Variants in BTN1A1 observed in about 807,000 individuals in gnomAD.
BTN1A1 encodes butyrophilin subfamily 1 member A1, also known as bK14H9.2 (butyrophilin, subfamily 1, member A1).
In BTN1A1, 26 loss-of-function variants were observed where a neutral mutation model predicts 33.1. The ratio of observed to expected loss-of-function variants is 0.79; its 90% CI spans 0.58 to 1.09. The LOEUF is 1.09. Among genes scored for constraint, BTN1A1 ranks in the 50% least tolerant of loss-of-function variants. BTN1A1 has a pLI of 0.00. For missense variants in BTN1A1, 558 were observed against 655.7 expected, an observed-to-expected ratio of 0.85 and a Z score of 1.63; for synonymous variants, 235 against 256.2, an observed-to-expected ratio of 0.92 and a Z score of 0.79.
intron 4 of BTN1A1, among the ~76,000 whole-genome samples, chr6:26,506,086 T>C (rs151220045): frequency 2.1e-5 from 3 of 143,218 alleles, no homozygotes; most frequent in African/African-American, 7.9e-5. Flanking sequence ...GCCACTGAAC[T>C]CCACTCCAGC....
chr6:26,508,282 C>A (rs1242324974), intron 7 of BTN1A1, among the ~76,000 whole-genome samples, 195 bp downstream of exon 7: 1 of 152,152 alleles, frequency 6.6e-6, no homozygotes, highest in Non-Finnish European at 1.5e-5. Context: ...GACAGAGTCC[C>A]ATTAGGCCCT....
chr6:26,500,351 T>C lies in BTN1A1; in HGVS notation c.-65T>C, dbSNP rs1763782805. The stretch of plus-strand genomic sequence containing the variant: ...GCCTCTTGTGCCTTTTTCTCCAAGA[T>C]CACCCAGGTCAGTATGTGTGGTTAC... On this transcript the variant is annotated 5_prime_UTR_variant, in exon 1 of 8. Coordinates refer to ENST00000684113, the MANE Select transcript of BTN1A1 (RefSeq NM_001732.3). 6.6e-6 allele frequency among the ~76,000 whole-genome samples: 1 copy of C among 152,170 alleles called. No homozygotes were observed. The highest frequency in any genetic ancestry group is 1.5e-5 in the Non-Finnish European group (1 of 68,028).
chr6:26,509,427 A>G lies in BTN1A1; in HGVS notation c.*253A>G. 2.3e-6 allele frequency: 1 copy of G among 429,118 alleles called. No individual in the cohort carries two copies. The allele number at this position is 429,118 out of a possible 1,614,324, so 26.6% of individuals were successfully genotyped here. On this transcript the variant is annotated 3_prime_UTR_variant, in exon 8 of 8. Transcript: ENST00000684113. ...TGTTCTCCTAATCCCTTAAGACTAGAACCTATAGGAAACTACTTGGAGCAA... is the reference window on the plus strand; with the variant it reads ...TGTTCTCCTAATCCCTTAAGACTAGGACCTATAGGAAACTACTTGGAGCAA...
At chr6:26,506,965 A>G in intron 5 of BTN1A1, 133 bp downstream of exon 5, 1 of 1,150,022 alleles carries the variant, frequency 8.7e-7, no homozygotes, top group Admixed American at 2.2e-5. Flanking sequence ...TCACGCCTGT[A>G]ATCCCAGCGG....
At chr6:26,504,808 C>A (rs9467774) in intron 3 of BTN1A1, 117 bp from the exon 4 acceptor site, 497,481 of 1,018,428 alleles carry the variant, frequency 0.49, 124,125 homozygotes, top group East Asian at 0.73. Context: ...AGTTCTTCCC[C>A]CTACTAGTCC....
rs146090001 is a variant in BTN1A1, at chr6:26,510,186, C to T, written c.*1012C>T. On this transcript the variant is annotated 3_prime_UTR_variant, in exon 8 of 8. Transcript: ENST00000684113. Reference sequence around the variant, plus strand: ...CACTGTGCACCTTTCACTTTCCCTACCCAGCTTTCCTACATGCTGCCTCTC... The same window carrying T: ...CACTGTGCACCTTTCACTTTCCCTATCCAGCTTTCCTACATGCTGCCTCTC... 6.5e-6 allele frequency: 1 copy of T among 152,962 alleles called. No homozygotes were observed. The highest frequency in any genetic ancestry group is 2.4e-5 in the African/African-American group (1 of 41,606). 9.5% of individuals were successfully genotyped at this position (152,962 alleles called of 1,614,324 possible).
At position 26,505,056 on chromosome 6, in the gene BTN1A1, T is replaced by C. The variant is rs770341982; in HGVS notation, c.559T>C (p.Ser187Pro). Residue 187 changes from serine to proline, a missense_variant, in exon 4 of 8, where the codon TCT becomes CCT. Ser to Pro is a moderately conservative substitution (Grantham distance 74). Coordinates refer to ENST00000684113, the MANE Select transcript of BTN1A1 (RefSeq NM_001732.3). ...AACTTCCAAGGGAGAGAAGTTTCCA[T>C]CTACATCAGAGTCCAGGAATCCTGA... is the stretch of plus-strand genomic sequence containing the variant. ...WRTSKGEKFP[S>P]TSESRNPDEE... 3 of 1,614,210 alleles carry C rather than the reference T, an allele frequency of 1.9e-6. No individual in the cohort carries two copies. Among genetic ancestry groups the C allele is most frequent in the Non-Finnish European group, 2.5e-6 (3 of 1,180,028 alleles).
At chr6:26,504,093 A>G (rs1251519797) in intron 3 of BTN1A1, among the ~76,000 whole-genome samples, 2 of 152,220 alleles carry the variant, frequency 1.3e-5, no homozygotes, top group Admixed American at 6.5e-5. Context: ...ATGTTTATAT[A>G]TAACAGGCCA....
chr6:26,501,588 A>C lies in BTN1A1; in HGVS notation c.80-2A>C. The C allele has an allele frequency of 6.2e-7, 1 of 1,612,172 alleles. No homozygotes were observed. The highest frequency in any genetic ancestry group is 1.1e-5 in the South Asian group (1 of 91,042). ...CGTCTGATCCCGCTCGTTTTTCGGC[A>C]GCTCCCTTTGACGTGATTGGACCCC... On this transcript the variant is annotated splice_acceptor_variant, in intron 2 of 7. Coordinates refer to ENST00000684113, the MANE Select transcript of BTN1A1 (RefSeq NM_001732.3). LOFTEE classifies it high-confidence loss of function. This position sits in a 1 kb window ranked among gnomAD's most constrained non-coding sequence, Gnocchi z 5.2.
chr6:26,507,189 C>G (rs1166616915), intron 5 of BTN1A1, among the ~76,000 whole-genome samples: 1 of 152,068 alleles, frequency 6.6e-6, no homozygotes, highest in Non-Finnish European at 1.5e-5. Flanking sequence ...CCATTGCACT[C>G]TAGCCTGAGC....
intron 5 of BTN1A1, 108 bp downstream of exon 5, chr6:26,506,940 G>T: frequency 7.2e-7 from 1 of 1,382,258 alleles, no homozygotes; most frequent in Non-Finnish European, 1.0e-6. Flanking sequence ...GATATTTGAG[G>T]CTGGGCATGG....
At position 26,501,056 on chromosome 6, in the gene BTN1A1, G is replaced by A. The variant is rs1331930072; in HGVS notation, c.-57-174G>A. Among the ~76,000 whole-genome samples, 3 of 152,188 alleles carry A rather than the reference G, an allele frequency of 2.0e-5. No homozygotes were observed. Among genetic ancestry groups the A allele is most frequent in the African/African-American group, 7.2e-5 (3 of 41,428 alleles). On this transcript the variant is annotated intron_variant, in intron 1 of 7. Transcript: ENST00000684113. This position sits in a 1 kb window ranked among gnomAD's most constrained non-coding sequence, Gnocchi z 5.2. ...AAGTTTTAGAGTTAGAGTAGTGGGTGGGAAGGTGATAACCACAGTGTAAAC... is the reference window on the plus strand; with the variant it reads ...AAGTTTTAGAGTTAGAGTAGTGGGTAGGAAGGTGATAACCACAGTGTAAAC...
intron 5 of BTN1A1, 80 bp downstream of exon 5, chr6:26,506,912 AT>A: frequency 6.6e-7 from 1 of 1,506,012 alleles, no homozygotes; most frequent in Non-Finnish European, 9.1e-7. Flanking sequence ...AGAATGACTT[AT>A]TTTAGGATGA....
At chr6:26,503,767 A>T (rs569139329) in intron 3 of BTN1A1, among the ~76,000 whole-genome samples, 2 of 152,022 alleles carry the variant, frequency 1.3e-5, no homozygotes, top group Middle Eastern at 3.4e-3. Context: ...TTGCAGCATC[A>T]TGTATAATTC....
chr6:26,509,499 G>A lies in BTN1A1; in HGVS notation c.*325G>A. 4.4e-6 allele frequency: 1 copy of A among 227,906 alleles called. No homozygotes were observed. Among genetic ancestry groups the A allele is most frequent in the Non-Finnish European group, 8.5e-6 (1 of 117,266 alleles). The allele number at this position is 227,906 out of a possible 1,614,324, so 14.1% of individuals were successfully genotyped here. A position where few individuals can be genotyped will look rare whatever the true frequency, so the allele number is the denominator to read the frequency against. ...TCGAGATTGGGTCAGGTTAGCATGG[G>A]GTTGTGGTTGAAATATCTTGGTATC... On this transcript the variant is annotated 3_prime_UTR_variant, in exon 8 of 8. Coordinates refer to ENST00000684113, the MANE Select transcript of BTN1A1 (RefSeq NM_001732.3).
rs1326472546 is a variant in BTN1A1 at position 26,508,489 on chromosome 6, C to A, written c.908-12C>A. On this transcript the variant is annotated splice_polypyrimidine_tract_variant and intron_variant, in intron 7 of 7. Coordinates refer to ENST00000684113, the MANE Select transcript of BTN1A1 (RefSeq NM_001732.3). ...TTCACTGATGTCAGACCTGCTGTTT[C>A]TTTCTCTCCAGTTGATGTGACTCTG... is the stretch of plus-strand genomic sequence containing the variant. The A allele has an allele frequency of 1.2e-5, 20 of 1,603,354 alleles. No individual in the cohort carries two copies. Among genetic ancestry groups the A allele is most frequent in the Non-Finnish European group, 1.7e-5 (20 of 1,174,414 alleles).
intron 3 of BTN1A1, among the ~76,000 whole-genome samples, chr6:26,502,929 A>T (rs960583991): frequency 6.6e-6 from 1 of 152,242 alleles, no homozygotes; most frequent in Non-Finnish European, 1.5e-5. Flanking sequence ...GAAAGTACGC[A>T]TTGAGGTCTG....
At position 26,501,404 on chromosome 6, in the gene BTN1A1, A is replaced by G; in HGVS notation, c.79+39A>G. ...TCTCTCTGGGCTGCATAGTTGAAAT[A>G]TATCAATAAATGTAAAATAAACAAT... is the stretch of plus-strand genomic sequence containing the variant. On this transcript the variant is annotated intron_variant, in intron 2 of 7. Coordinates refer to ENST00000684113, the MANE Select transcript of BTN1A1 (RefSeq NM_001732.3). This position sits in a 1 kb window ranked among gnomAD's most constrained non-coding sequence, Gnocchi z 5.2. 1 of 1,592,076 alleles carries G rather than the reference A, an allele frequency of 6.3e-7. No individual in the cohort carries two copies. The highest frequency in any genetic ancestry group is 1.1e-5 in the South Asian group (1 of 90,600).
chr6:26,508,792 G>T lies in BTN1A1; in HGVS notation c.1199G>T (p.Gly400Val). 6.2e-7 allele frequency: 1 copy of T among 1,614,148 alleles called. No homozygotes were observed. The highest frequency in any genetic ancestry group is 8.5e-7 in the Non-Finnish European group (1 of 1,180,014). Reference protein sequence around the residue: ...ENGFWAVELYGNGYWALTPLR... With the variant: ...ENGFWAVELYVNGYWALTPLR... ...GGGTTCTGGGCTGTAGAGTTGTATG[G>T]AAATGGGTACTGGGCCCTCACTCCT... is the stretch of plus-strand genomic sequence containing the variant. Residue 400 changes from glycine (G) to valine (V), a missense_variant, in exon 8 of 8, where the codon GGA becomes GTA. Coordinates refer to ENST00000684113, the MANE Select transcript of BTN1A1 (RefSeq NM_001732.3).
Sources: gnomAD v4.1 joint callset for allele counts (sites outside exome capture counted in the v4.1 genomes callset) on GRCh38, gnomAD v4.1.1 for gene constraint, Gnocchi (gnomAD v3.1) non-coding constraint, MANE v1.5 for transcripts, NCBI Gene and HGNC (gene_info 2026-07-23, HGNC 2026-07-21) for gene names.